SPATC1L: variants seen among roughly 807,000 people sequenced by gnomAD.
SPATC1L encodes speriolin-like protein.
Under a neutral mutation model 21.2 loss-of-function variants are expected in SPATC1L, and 20 were observed. The observed-to-expected ratio is 0.94, with a 90% CI of 0.66 to 1.37. SPATC1L has a LOEUF of 1.37. Among genes scored for constraint, SPATC1L ranks in the 40% most tolerant of loss-of-function variants. The pLI is 0.00. For synonymous variants in SPATC1L, 290 were observed against 234.5 expected, an observed-to-expected ratio of 1.24 and a Z score of -2.16; for missense variants, 499 against 478.7, an observed-to-expected ratio of 1.04 and a Z score of -0.40.
intron 3 of SPATC1L, among the ~76,000 whole-genome samples, chr21:46,163,613 T>G (rs1017418317): frequency 6.6e-6 from 1 of 152,182 alleles, no homozygotes; most frequent in Non-Finnish European, 1.5e-5. Flanking sequence ...ATTCAGTCCC[T>G]CCTGAATTGT....
intron 2 of SPATC1L, among the ~76,000 whole-genome samples, chr21:46,174,013 A>T (rs559641334): frequency 3.4e-4 from 51 of 152,206 alleles, no homozygotes; most frequent in Non-Finnish European, 2.6e-4. Flanking sequence ...AATCCACCTT[A>T]TACCACAATC....
chr21:46,167,722 G>A (rs2079551059), intron 3 of SPATC1L, among the ~76,000 whole-genome samples: 1 of 152,170 alleles, frequency 6.6e-6, no homozygotes, highest in African/African-American at 2.4e-5. Flanking sequence ...CAGATACCTG[G>A]GAGGCTGAGG....
chr21:46,171,095 T>C (rs1035901337), intron 2 of SPATC1L, among the ~76,000 whole-genome samples: 4 of 152,236 alleles, frequency 2.6e-5, no homozygotes, highest in Non-Finnish European at 5.9e-5. Context: ...CTTTCTTTGC[T>C]TTCCACACCA....
rs1555886862 is a variant in SPATC1L, at chr21:46,164,794, G to GGAAAAAAA, written c.545-2728_545-2727insTTTTTTTC. Among the ~76,000 whole-genome samples the GGAAAAAAA allele has an allele frequency of 7.7e-3, 668 of 86,412 alleles. 12 individuals carry two copies. Among genetic ancestry groups the GGAAAAAAA allele is most frequent in the African/African-American group, 0.024 (642 of 26,262 alleles). The allele number at this position is 86,412 out of a possible 152,430, so 56.7% of individuals were successfully genotyped here. ...GCGACAGAGCGAGACTCCATCTCAA[G>GGAAAAAAA]AAAAAAAAAAAAAAAAAGAATCAAG... is the stretch of plus-strand genomic sequence containing the variant. On this transcript the variant is annotated intron_variant, in intron 3 of 4. Transcript: ENST00000291672.
At position 46,162,080 on chromosome 21, in the gene SPATC1L, A is replaced by C; in HGVS notation, c.545-13T>G. ...AAGCTCTGGATCTCTGGGGGAGGGA[A>C]GGCCGGGGACAAGGTCAGGGGAGCG... On this transcript the variant is annotated splice_polypyrimidine_tract_variant and intron_variant, in intron 3 of 4. Coordinates refer to ENST00000291672, the MANE Select transcript of SPATC1L (RefSeq NM_001142854.2). The C allele has an allele frequency of 6.4e-7, 1 of 1,562,530 alleles. No individual in the cohort carries two copies. Among genetic ancestry groups the C allele is most frequent in the Non-Finnish European group, 8.6e-7 (1 of 1,156,308 alleles).
intron 3 of SPATC1L, among the ~76,000 whole-genome samples, chr21:46,166,172 C>T (rs1213993280): frequency 6.6e-6 from 1 of 152,084 alleles, no homozygotes; most frequent in Non-Finnish European, 1.5e-5. Context: ...TTGAGACCAG[C>T]CTGGTCAATG....
chr21:46,168,199 T>G (rs965194924), intron 3 of SPATC1L, 109 bp downstream of exon 3: 1 of 669,400 alleles, frequency 1.5e-6, no homozygotes, highest in Admixed American at 3.0e-5. Context: ...CCCTCCACTC[T>G]GTGTGACTGG....
chr21:46,168,390 C>T lies in SPATC1L; in HGVS notation c.462G>A (p.Glu154=), dbSNP rs1299072994. Residue 154 remains glutamate, a synonymous_variant, in exon 3 of 5, where the codon GAG becomes GAA. Coordinates refer to ENST00000291672, the MANE Select transcript of SPATC1L (RefSeq NM_001142854.2). Reference sequence around the variant, plus strand: ...AACACACCTTCTTAGGCCGGACCATCTCCCTGGGCTCCAGCAGGGTCTTGT... The same window carrying T: ...AACACACCTTCTTAGGCCGGACCATTTCCCTGGGCTCCAGCAGGGTCTTGT... ...LVDKTLLEPR[E]MVRPKKVCFS... 2 of 1,612,532 alleles carry T rather than the reference C, an allele frequency of 1.2e-6. No homozygotes were observed. Among genetic ancestry groups the T allele is most frequent in the East Asian group, 4.5e-5 (2 of 44,840 alleles).
At position 46,173,040 on chromosome 21, in the gene SPATC1L, A is replaced by G. The variant is rs551476570; in HGVS notation, c.194-4382T>C. ...AGCTGCTTAGAGAAGTGATGGGGGC[A>G]GCAGCCAGCTGAAGCAGAACCCAGA... On this transcript the variant is annotated intron_variant, in intron 2 of 4. Transcript: ENST00000291672. Among the ~76,000 whole-genome samples, 22 of 152,346 alleles carry G rather than the reference A, an allele frequency of 1.4e-4. No homozygotes were observed. The South Asian group carries it at 4.1e-3, about 29-fold the overall frequency.
Position 46,169,227 on chromosome 21 carries a change from T to A in SPATC1L, c.194-569A>T, listed in dbSNP as rs187603423. 2.8e-4 allele frequency among the ~76,000 whole-genome samples: 43 copies of A among 152,286 alleles called. 1 individual carries two copies. Among genetic ancestry groups the A allele is most frequent in the Admixed American group, 5.9e-4 (9 of 15,298 alleles). On this transcript the variant is annotated intron_variant, in intron 2 of 4. Transcript: ENST00000291672. The stretch of plus-strand genomic sequence containing the variant: ...TGCAAACACACAGCTGTAATTGGCC[T>A]CCCGGGAGGAGCCTTCTGCTCTGTG...
At chr21:46,178,794 G>A (rs1172890693) in intron 2 of SPATC1L, among the ~76,000 whole-genome samples, 1 of 152,174 alleles carries the variant, frequency 6.6e-6, no homozygotes, top group Non-Finnish European at 1.5e-5. Flanking sequence ...GGGCAAGGCA[G>A]GAGAATCGCT....
At position 46,161,657 on chromosome 21, in the gene SPATC1L, C is replaced by G; in HGVS notation, c.745G>C (p.Glu249Gln). 6.2e-7 allele frequency: 1 copy of G among 1,608,692 alleles called. No homozygotes were observed. Among genetic ancestry groups the G allele is most frequent in the Non-Finnish European group, 8.5e-7 (1 of 1,178,212 alleles). ...DGSVDERKLR[E>Q]LTQRYLALSA... The stretch of plus-strand genomic sequence containing the variant: ...AGGGCCAGGTAGCGCTGCGTCAGCT[C>G]GCGCAGCTTCCTCTCGTCCACGGAG... Residue 249 changes from glutamate (E) to glutamine (Q), a missense_variant, in exon 5 of 5, where the codon GAG (glutamate) becomes CAG (glutamine). Coordinates refer to ENST00000291672, the MANE Select transcript of SPATC1L (RefSeq NM_001142854.2).
intron 2 of SPATC1L, among the ~76,000 whole-genome samples, chr21:46,173,214 C>T (rs1272038631): frequency 6.6e-6 from 1 of 152,198 alleles, no homozygotes; most frequent in Non-Finnish European, 1.5e-5. Flanking sequence ...CTGAGCACCC[C>T]TTCGTCTGCT....
At chr21:46,164,071 G>A (rs190685625) in intron 3 of SPATC1L, among the ~76,000 whole-genome samples, 49 of 152,248 alleles carry the variant, frequency 3.2e-4, no homozygotes, top group Admixed American at 9.8e-4. Flanking sequence ...GCAGTGGCAC[G>A]ATCTCAGCTC....
chr21:46,182,451 C>G (rs1021694330), intron 2 of SPATC1L, among the ~76,000 whole-genome samples, 173 bp downstream of exon 2: 3 of 152,360 alleles, frequency 2.0e-5, no homozygotes, highest in Admixed American at 6.5e-5. Flanking sequence ...GGGGCCTCAC[C>G]TGAGGGCAAC....
intron 2 of SPATC1L, among the ~76,000 whole-genome samples, chr21:46,177,461 C>T (rs1413213060): frequency 6.6e-6 from 1 of 151,998 alleles, no homozygotes; most frequent in Admixed American, 6.6e-5. Flanking sequence ...GACATGAACA[C>T]TTTTCTAAAG....
chr21:46,161,905 A>G lies in SPATC1L; in HGVS notation c.696+11T>C. On this transcript the variant is annotated intron_variant, in intron 4 of 4. Transcript: ENST00000291672. Reference sequence around the variant, plus strand: ...GCACCCTCCTGGCCGCGCCCTCCCCACGGGGCGCACCTGCTCGATCTTCTC... The same window carrying G: ...GCACCCTCCTGGCCGCGCCCTCCCCGCGGGGCGCACCTGCTCGATCTTCTC... The G allele has an allele frequency of 6.2e-7, 1 of 1,603,198 alleles. No individual in the cohort carries two copies. Among genetic ancestry groups the G allele is most frequent in the African/African-American group, 1.3e-5 (1 of 74,726 alleles).
intron 2 of SPATC1L, 73 bp downstream of exon 2, chr21:46,182,551 C>T: frequency 7.3e-7 from 1 of 1,369,828 alleles, no homozygotes; most frequent in Non-Finnish European, 9.6e-7. Flanking sequence ...TGGCCGCCAC[C>T]CTCGACTCCC....
chr21:46,182,979 A>T lies in SPATC1L; in HGVS notation c.-163T>A. 1.3e-6 allele frequency: 1 copy of T among 741,572 alleles called. No homozygotes were observed. 45.9% of individuals were successfully genotyped at this position (741,572 alleles called of 1,614,324 possible). On this transcript the variant is annotated 5_prime_UTR_variant, in exon 2 of 5. Transcript: ENST00000291672. Reference sequence around the variant, plus strand: ...CTGCCCTAGTGATGAGGTGCCCAGCACCCTGCCTGCCCCCGCGATGGCTCA... The same window carrying T: ...CTGCCCTAGTGATGAGGTGCCCAGCTCCCTGCCTGCCCCCGCGATGGCTCA...
Sources: allele counts gnomAD v4.1 joint callset (sites outside exome capture counted in the v4.1 genomes callset), GRCh38; gene constraint gnomAD v4.1.1; transcripts MANE v1.5; gene names NCBI Gene and HGNC (gene_info 2026-07-23, HGNC 2026-07-21).